HOOK2: variants seen among roughly 807,000 people sequenced by gnomAD.
The protein encoded by HOOK2 is hook microtubule tethering protein 2, also known as protein Hook homolog 2.
Under a neutral mutation model 111.9 loss-of-function variants are expected in HOOK2, and 108 were observed. The observed-to-expected ratio is 0.96, with a 90% CI of 0.83 to 1.13. The LOEUF (loss-of-function observed/expected upper bound fraction) is 1.13. Ranked by LOEUF, HOOK2 falls within the 50% of genes most tolerant of loss-of-function variation. The pLI is 0.00. For missense variants in HOOK2, 978 were observed against 951.3 expected (o/e 1.03, Z -0.37); for synonymous variants, 405 against 394.3 (o/e 1.03, Z -0.32).
upstream of HOOK2, chr19:12,778,487 T>G (rs1968565518): frequency 6.6e-6 from 1 of 152,222 alleles, no homozygotes; most frequent in South Asian, 2.1e-4. Context: ...TGGGCTGTCT[T>G]CCGGCGGTCG....
rs1031659403 is a variant in HOOK2, at chr19:12,772,884, T to C, written c.284A>G (p.His95Arg). The C allele has an allele frequency of 6.8e-6, 11 of 1,614,084 alleles. No individual in the cohort carries two copies. The African/African-American group carries it at 1.3e-4, about 20-fold the overall frequency. Reference protein sequence around the residue: ...DVLAHPVSEEHLPDVSLIGEF... With the variant: ...DVLAHPVSEERLPDVSLIGEF... The stretch of plus-strand genomic sequence containing the variant: ...TCCAATGAGGCTCACATCTGGGAGA[T>C]GCTCTTCTGACACAGGATGCGCCAG... The change falls in exon 5 of 23, where the codon CAT (histidine) becomes CGT (arginine). Residue 95 changes from histidine to arginine, a missense_variant. By Grantham distance (29) the His-to-Arg change is conservative. Coordinates refer to ENST00000397668, the MANE Select transcript of HOOK2 (RefSeq NM_013312.3).
In HOOK2 at chr19:12,767,477, A is replaced by G; in HGVS notation, c.1304-13T>C. On this transcript the variant is annotated splice_polypyrimidine_tract_variant and intron_variant, in intron 13 of 22. Transcript: ENST00000397668. ...TCCAGTGAGGGATCTGAAGAATGCGAGAAAAGTCTTCAGGTCTCTTCGCAT... is the reference window on the plus strand; with the variant it reads ...TCCAGTGAGGGATCTGAAGAATGCGGGAAAAGTCTTCAGGTCTCTTCGCAT... 1 of 1,611,134 alleles carries G rather than the reference A, an allele frequency of 6.2e-7. No homozygotes were observed. Among genetic ancestry groups the G allele is most frequent in the Non-Finnish European group, 8.5e-7 (1 of 1,177,284 alleles).
At position 12,763,399 on chromosome 19, in the gene HOOK2, C is replaced by T. The variant is rs1488405324; in HGVS notation, c.2043G>A (p.Glu681=). ...ATGACTGGGCATGGGCAGGCGCCCG[C>T]TCCTCCCCAGCTCGCTGCTGCAAGG... is the stretch of plus-strand genomic sequence containing the variant. ...GMALQQRAGE[E]RAPAHAQSFL... Residue 681 remains glutamate, a synonymous_variant, in exon 23 of 23, where the codon GAG becomes GAA. Coordinates refer to ENST00000397668, the MANE Select transcript of HOOK2 (RefSeq NM_013312.3). 6.2e-7 allele frequency: 1 copy of T among 1,613,884 alleles called. No individual in the cohort carries two copies. Among genetic ancestry groups the T allele is most frequent in the Non-Finnish European group, 8.5e-7 (1 of 1,179,982 alleles).
chr19:12,764,598 G>C, intron 20 of HOOK2: 2 of 583,052 alleles, frequency 3.4e-6, no homozygotes, highest in African/African-American at 1.9e-5. Flanking sequence ...AAAGTGCTGG[G>C]ATTACAGCCA....
upstream of HOOK2, among the ~76,000 whole-genome samples, chr19:12,782,966 T>G (rs1375490209): frequency 1.3e-5 from 2 of 151,674 alleles, no homozygotes; most frequent in African/African-American, 4.8e-5. Flanking sequence ...GCCATCCTGC[T>G]TTTCCTCCAG....
At position 12,773,050 on chromosome 19, in the gene HOOK2, G is replaced by A. The variant is rs1968383887; in HGVS notation, c.205-6C>T. Reference sequence around the variant, plus strand: ...ACCATCTTCAGATTGCTGACCTAGGGAGGAACAAGGAACTGTGGACAAGTT... The same window carrying A: ...ACCATCTTCAGATTGCTGACCTAGGAAGGAACAAGGAACTGTGGACAAGTT... On this transcript the variant is annotated splice_region_variant and splice_polypyrimidine_tract_variant and intron_variant, in intron 3 of 22. Coordinates refer to ENST00000397668, the MANE Select transcript of HOOK2 (RefSeq NM_013312.3). The A allele has an allele frequency of 6.2e-7, 1 of 1,613,930 alleles. No individual in the cohort carries two copies. Among genetic ancestry groups the A allele is most frequent in the African/African-American group, 1.3e-5 (1 of 74,880 alleles).
intron 18 of HOOK2, 56 bp from the exon 19 acceptor site, chr19:12,765,137 TC>T: frequency 6.4e-7 from 1 of 1,573,714 alleles, no homozygotes; most frequent in Non-Finnish European, 8.7e-7. Flanking sequence ...TTCTCTTTTG[TC>T]CCAGTGGTAG....
chr19:12,784,202 C>T (rs1968634979), intron 3 of HOOK2, among the ~76,000 whole-genome samples: 1 of 152,108 alleles, frequency 6.6e-6, no homozygotes, highest in African/African-American at 2.4e-5. Flanking sequence ...AAACATGGCC[C>T]AGGGTGACCA....
chr19:12,792,318 A>G, intron 3 of HOOK2: 2 of 1,518,982 alleles, frequency 1.3e-6, no homozygotes, highest in South Asian at 2.5e-5. Context: ...TCCCGTTTAC[A>G]CCAACCTCAG....
At chr19:12,773,734 C>A (rs995781239) in intron 3 of HOOK2, among the ~76,000 whole-genome samples, 1 of 152,190 alleles carries the variant, frequency 6.6e-6, no homozygotes, top group Non-Finnish European at 1.5e-5. Flanking sequence ...CTTTATAAAG[C>A]CCAAGCCAGG....
In HOOK2 at chr19:12,763,540, G is replaced by A; in HGVS notation, c.1998C>T (p.Ala666=). 3 of 1,614,206 alleles carry A rather than the reference G, an allele frequency of 1.9e-6. No individual in the cohort carries two copies. The highest frequency in any genetic ancestry group is 1.1e-5 in the South Asian group (1 of 91,084). ...REQEEKLLIS[A]WYNMGMALQQ... ...ACCCCACACTTACCATATTATACCA[G>A]GCACTGATGAGCAGCTTTTCTTCCT... Residue 666 remains alanine (A), a synonymous_variant, in exon 22 of 23, where the codon GCC becomes GCT. Transcript: ENST00000397668.
intron 10 of HOOK2, among the ~76,000 whole-genome samples, chr19:12,770,307 G>A (rs1274231842): frequency 1.3e-5 from 2 of 152,036 alleles, no homozygotes; most frequent in African/African-American, 4.8e-5. Flanking sequence ...CCCCTGGGGT[G>A]GAATTGTGGG....
intron 3 of HOOK2, among the ~76,000 whole-genome samples, chr19:12,784,329 C>G (rs1026909545): frequency 6.6e-6 from 1 of 152,004 alleles, no homozygotes; most frequent in Non-Finnish European, 1.5e-5. Context: ...CAGGGACACA[C>G]AGACAGGGTC....
chr19:12,772,114 C>T (rs978413198), intron 7 of HOOK2, 76 bp downstream of exon 7: 79 of 1,128,824 alleles, frequency 7.0e-5, no homozygotes, highest in Non-Finnish European at 1.0e-4. Context: ...TTAATCACAG[C>T]AAACTTATCC....
At position 12,786,763 on chromosome 19, in the gene HOOK2, T is replaced by C. The variant is rs1386311875; in HGVS notation, n.42-12538A>G. 3.3e-5 allele frequency among the ~76,000 whole-genome samples: 5 copies of C among 152,144 alleles called. No homozygotes were observed. Among genetic ancestry groups the C allele is most frequent in the Admixed American group, 1.3e-4 (2 of 15,292 alleles). ...CCTGTCTGGCCCAATCTCCACCCCG[T>C]GCTCAAACACCCATGCAGAGTGTTT... On this transcript the variant is annotated intron_variant and non_coding_transcript_variant, in intron 3 of 3. Transcript: ENST00000589765. This position sits in a 1 kb window ranked among gnomAD's most constrained non-coding sequence, Gnocchi z 4.3.
chr19:12,783,070 C>T (rs936990331), upstream of HOOK2, among the ~76,000 whole-genome samples: 1 of 152,112 alleles, frequency 6.6e-6, no homozygotes, highest in African/African-American at 2.4e-5. Context: ...CTCAGGCCAG[C>T]CCGGGGGTCC....
upstream of HOOK2, among the ~76,000 whole-genome samples, chr19:12,779,163 C>T (rs1486810666): frequency 1.3e-5 from 2 of 152,208 alleles, no homozygotes; most frequent in Non-Finnish European, 2.9e-5. Context: ...CCCACCCCCT[C>T]TACTGGTTTC....
rs16978662 is a variant in HOOK2 at position 12,768,137 on chromosome 19, G to A, written c.1105-14C>T. On this transcript the variant is annotated splice_polypyrimidine_tract_variant and intron_variant, in intron 11 of 22. Coordinates refer to ENST00000397668, the MANE Select transcript of HOOK2 (RefSeq NM_013312.3). ...CAGTTCCTGCACCTGAACACAGAGAGGGGAGGAATAAGGACAGCAGGGCTG... is the reference window on the plus strand; with the variant it reads ...CAGTTCCTGCACCTGAACACAGAGAAGGGAGGAATAAGGACAGCAGGGCTG... The A allele has an allele frequency of 1.2e-6, 2 of 1,610,148 alleles. No individual in the cohort carries two copies. The highest frequency in any genetic ancestry group is 1.7e-6 in the Non-Finnish European group (2 of 1,176,688).
chr19:12,775,625 C>T, upstream of HOOK2: 2 of 527,850 alleles, frequency 3.8e-6, no homozygotes, highest in Non-Finnish European at 5.7e-6. Context: ...CGCCTCGGAA[C>T]GTAATCTCCT....
Sources: gnomAD v4.1 joint callset for allele counts (sites outside exome capture counted in the v4.1 genomes callset) on GRCh38, gnomAD v4.1.1 for gene constraint, Gnocchi (gnomAD v3.1) non-coding constraint, MANE v1.5 for transcripts, NCBI Gene and HGNC (gene_info 2026-07-23, HGNC 2026-07-21) for gene names.